STX8: variants seen among roughly 807,000 people sequenced by gnomAD.
STX8 encodes the protein syntaxin 8.
STX8 carries 23 observed loss-of-function variants against 37.5 expected under a neutral mutation model. The observed-to-expected ratio is 0.61, with a 90% confidence interval of 0.44 to 0.87. The LOEUF (loss-of-function observed/expected upper bound fraction) is 0.87. Ranked by LOEUF, STX8 falls within the 40% of genes least tolerant of loss-of-function variation. The pLI is 0.00. For missense variants in STX8, 313 were observed against 284.7 expected (o/e 1.10, Z -0.71); for synonymous variants, 115 against 99.1 (o/e 1.16, Z -0.95).
intron 4 of STX8, among the ~76,000 whole-genome samples, chr17:9,522,136 T>C (rs1179835142): frequency 6.6e-6 from 1 of 152,026 alleles, no homozygotes; most frequent in African/African-American, 2.4e-5. Context: ...AAGGAACACT[T>C]CTGTACCTTA....
intron 6 of STX8, among the ~76,000 whole-genome samples, chr17:9,384,098 T>C (rs1341669077): frequency 6.6e-6 from 1 of 151,494 alleles, no homozygotes; most frequent in Admixed American, 6.6e-5. Context: ...TTCCTTTTTT[T>C]CTCCACATAT....
intron 7 of STX8, among the ~76,000 whole-genome samples, chr17:9,291,419 C>T (rs566208098): frequency 2.9e-5 from 4 of 136,212 alleles, no homozygotes; most frequent in South Asian, 2.3e-4. Context: ...CCAGCATGGG[C>T]GATGGGAGTG....
At chr17:9,305,075 C>T (rs947655159) in intron 7 of STX8, among the ~76,000 whole-genome samples, 4 of 151,776 alleles carry the variant, frequency 2.6e-5, no homozygotes, top group Admixed American at 2.0e-4. Flanking sequence ...CAATAAATTA[C>T]ATGAGATATT....
intron 5 of STX8, among the ~76,000 whole-genome samples, chr17:9,495,185 T>G (rs1442518119): frequency 6.6e-6 from 1 of 152,170 alleles, no homozygotes; most frequent in Non-Finnish European, 1.5e-5. Context: ...CACACTGTAC[T>G]TTTTTTAACT....
chr17:9,416,341 A>G (rs550140014), intron 6 of STX8, among the ~76,000 whole-genome samples: 1 of 152,082 alleles, frequency 6.6e-6, no homozygotes, highest in East Asian at 1.9e-4. Flanking sequence ...CACAGGCCAA[A>G]TTAACTATGG....
At chr17:9,254,531 G>T (rs1204427905) in intron 7 of STX8, among the ~76,000 whole-genome samples, 1 of 152,094 alleles carries the variant, frequency 6.6e-6, no homozygotes, top group Non-Finnish European at 1.5e-5. Flanking sequence ...AAGTAGCGGG[G>T]ATTACAGGTG....
intron 4 of STX8, among the ~76,000 whole-genome samples, chr17:9,537,314 A>T (rs149893197): frequency 3.2e-4 from 49 of 152,322 alleles, no homozygotes; most frequent in Middle Eastern, 3.4e-3. Context: ...CCACGTGACT[A>T]GTTATGGCCA....
At chr17:9,520,646 C>T (rs553972278) in intron 4 of STX8, among the ~76,000 whole-genome samples, 2 of 152,172 alleles carry the variant, frequency 1.3e-5, no homozygotes, top group Non-Finnish European at 2.9e-5. Flanking sequence ...CATTTTCATC[C>T]CCCAAAGAAA....
intron 1 of STX8, among the ~76,000 whole-genome samples, chr17:9,573,079 C>CT (rs1907745825): frequency 4.2e-5 from 1 of 23,902 alleles, no homozygotes; most frequent in Non-Finnish European, 1.1e-4. Flanking sequence ...CCACCCCCAA[C>CT]ACCCCCCCCC....
intron 6 of STX8, among the ~76,000 whole-genome samples, chr17:9,470,569 CT>C (rs1243093941): frequency 6.6e-6 from 1 of 152,186 alleles, no homozygotes; most frequent in South Asian, 2.1e-4. Context: ...CTTTCTGTAT[CT>C]TTTTCCTTCT....
intron 7 of STX8, among the ~76,000 whole-genome samples, chr17:9,274,520 C>G (rs1215494256): frequency 3.3e-5 from 5 of 151,056 alleles, no homozygotes; most frequent in Admixed American, 1.3e-4. Flanking sequence ...ACTAAAAATA[C>G]AAAAAATTAA....
intron 4 of STX8, among the ~76,000 whole-genome samples, chr17:9,526,447 G>C (rs1289077648): frequency 2.0e-5 from 3 of 152,198 alleles, no homozygotes; most frequent in Non-Finnish European, 4.4e-5. Flanking sequence ...TGTATGCTTA[G>C]GGGTGACTGT....
chr17:9,391,497 A>G (rs949887741), intron 6 of STX8, among the ~76,000 whole-genome samples: 1 of 152,048 alleles, frequency 6.6e-6, no homozygotes, highest in Non-Finnish European at 1.5e-5. Flanking sequence ...CTCTGGGGGG[A>G]AAAGGTACAT....
At chr17:9,364,592 G>A (rs113925719) in intron 7 of STX8, among the ~76,000 whole-genome samples, 2,964 of 152,046 alleles carry the variant, frequency 0.019, 81 homozygotes, top group African/African-American at 0.067. Flanking sequence ...GGGCAGCGGC[G>A]CGATCTTGGC....
chr17:9,383,582 A>C (rs943528861), intron 6 of STX8, among the ~76,000 whole-genome samples: 5 of 152,222 alleles, frequency 3.3e-5, no homozygotes, highest in African/African-American at 1.2e-4. Flanking sequence ...TATGACGTCT[A>C]TTCTGACAGC....
chr17:9,275,176 T>A (rs1224147337), intron 7 of STX8, among the ~76,000 whole-genome samples: 1 of 152,202 alleles, frequency 6.6e-6, no homozygotes, highest in Non-Finnish European at 1.5e-5. Context: ...ACCATCCTCT[T>A]GAGCTCCGGC....
At chr17:9,397,010 C>T (rs1912427820) in intron 6 of STX8, among the ~76,000 whole-genome samples, 1 of 152,214 alleles carries the variant, frequency 6.6e-6, no homozygotes. Flanking sequence ...GGGACTTGCA[C>T]ATAAGCCCTG....
intron 7 of STX8, among the ~76,000 whole-genome samples, chr17:9,254,164 C>T (rs964055040): frequency 5.9e-5 from 9 of 152,314 alleles, no homozygotes; most frequent in African/African-American, 1.4e-4. Flanking sequence ...CCTGCAGCCG[C>T]ACTCTGCGCG....
chr17:9,535,424 C>CCTTTTTTTTTTTTTTT (rs1905992804), intron 4 of STX8, among the ~76,000 whole-genome samples: 2 of 51,550 alleles, frequency 3.9e-5, no homozygotes, highest in African/African-American at 1.5e-4. Flanking sequence ...AGCCATCCTA[C>CCTTTTTTTTTTTTTTT]TTTTTTTTTT....
Sources: allele counts gnomAD v4.1 joint callset (sites outside exome capture counted in the v4.1 genomes callset), GRCh38; gene constraint gnomAD v4.1.1; transcripts MANE v1.5; gene names NCBI Gene and HGNC (gene_info 2026-07-23, HGNC 2026-07-21).